The following KCNJ4 variants were observed in gnomAD, a reference collection of about 807,000 sequenced individuals.
KCNJ4 encodes the protein inward rectifier potassium channel 4.
Under a neutral mutation model 25.6 loss-of-function variants are expected in KCNJ4, and 3 were observed. The ratio of observed to expected loss-of-function variants is 0.12; its 90% confidence interval spans 0.05 to 0.30. KCNJ4 has a LOEUF of 0.30. KCNJ4 is among the 10% of genes least tolerant of loss of function. The probability of loss-of-function intolerance (pLI) is 1.00; values close to 1 mark genes in which losing one functional copy is unlikely to be tolerated. For missense variants in KCNJ4, 286 were observed against 666.8 expected (o/e 0.43, Z 6.29); for synonymous variants, 257 against 283.9 (o/e 0.91, Z 0.95).
intron 1 of KCNJ4, among the ~76,000 whole-genome samples, chr22:38,446,266 C>T (rs2145946189): frequency 6.6e-6 from 1 of 152,384 alleles, no homozygotes; most frequent in Admixed American, 6.5e-5. Flanking sequence ...GGAGCCGGGA[C>T]AGCTCTGGCA....
In KCNJ4 at chr22:38,429,408, A is replaced by C. The variant is rs984251097; in HGVS notation, c.-39-1237T>G. 7.9e-5 allele frequency among the ~76,000 whole-genome samples: 12 copies of C among 152,278 alleles called. No homozygotes were observed. The East Asian group carries it at 2.3e-3, about 29-fold the overall frequency. On this transcript the variant is annotated intron_variant, in intron 1 of 1. Coordinates refer to ENST00000303592, the MANE Select transcript of KCNJ4 (RefSeq NM_152868.3). The stretch of plus-strand genomic sequence containing the variant: ...TACAAACTTGCGTGGCACCAACATG[A>C]ATGAGTTGATGGCGGGGAGACAGGG...
At chr22:38,435,317 T>C (rs558322507) in intron 1 of KCNJ4, among the ~76,000 whole-genome samples, 17 of 152,218 alleles carry the variant, frequency 1.1e-4, no homozygotes, top group African/African-American at 4.1e-4. Context: ...CACAGGGCAG[T>C]GGAGGTCAGG....
chr22:38,439,498 CG>C (rs2089316567), intron 1 of KCNJ4, among the ~76,000 whole-genome samples: 1 of 151,778 alleles, frequency 6.6e-6, no homozygotes, highest in Admixed American at 6.6e-5. Flanking sequence ...ACATTCCGGC[CG>C]GGCATGGTGG....
intron 1 of KCNJ4, among the ~76,000 whole-genome samples, chr22:38,446,794 A>G (rs916777895): frequency 1.5e-4 from 23 of 151,992 alleles, no homozygotes; most frequent in African/African-American, 5.6e-4. Context: ...CATCTCTACT[A>G]AAAATACAAA....
At chr22:38,435,320 A>C (rs1334069597) in intron 1 of KCNJ4, among the ~76,000 whole-genome samples, 2 of 152,196 alleles carry the variant, frequency 1.3e-5, no homozygotes, top group Admixed American at 1.3e-4. Flanking sequence ...AGGGCAGTGG[A>C]GGTCAGGGGA....
intron 1 of KCNJ4, among the ~76,000 whole-genome samples, chr22:38,438,005 G>A (rs927273579): frequency 6.6e-6 from 1 of 152,018 alleles, no homozygotes; most frequent in Non-Finnish European, 1.5e-5. Context: ...TTGGGAGGTC[G>A]AGGTGGGTGG....
At chr22:38,431,134 G>GC (rs1257491847) in intron 1 of KCNJ4, among the ~76,000 whole-genome samples, 2 of 152,246 alleles carry the variant, frequency 1.3e-5, no homozygotes, top group African/African-American at 4.8e-5. Context: ...AAGGTGGGGG[G>GC]CCCTGCCCAA....
intron 1 of KCNJ4, among the ~76,000 whole-genome samples, chr22:38,444,385 G>A (rs78786676): frequency 0.01 from 1,590 of 152,314 alleles, 36 homozygotes; most frequent in African/African-American, 0.035. Flanking sequence ...ACTTCCCAGC[G>A]GAGGTGGCCT....
intron 1 of KCNJ4, among the ~76,000 whole-genome samples, chr22:38,429,732 T>C (rs1425534567): frequency 3.3e-5 from 5 of 152,154 alleles, no homozygotes; most frequent in Non-Finnish European, 7.4e-5. Context: ...CTCTCTGCCA[T>C]TGCGTCCCCA....
chr22:38,434,002 G>A (rs2093058067), intron 1 of KCNJ4, among the ~76,000 whole-genome samples: 1 of 152,176 alleles, frequency 6.6e-6, no homozygotes, highest in Non-Finnish European at 1.5e-5. Flanking sequence ...TACCTGGAAG[G>A]CTTCGAGGGC....
In KCNJ4 at chr22:38,427,100, TGCCG is replaced by T. The variant is rs1278058657; in HGVS notation, c.1029_1032del (p.Gly344ArgfsTer36). 6.2e-7 allele frequency: 1 copy of T among 1,612,774 alleles called. No individual in the cohort carries two copies. Among genetic ancestry groups the T allele is most frequent in the Non-Finnish European group, 8.5e-7 (1 of 1,179,968 alleles). ...AGCTCCCGGGCCGAGCAGCAGGGCG[TGCCG>T]GCCACCTCGTAGGTCTTGTGAAAAC... On this transcript the variant is annotated frameshift_variant, in exon 2 of 2. Transcript: ENST00000303592. LOFTEE classifies it high-confidence loss of function.
rs56135829 is a variant in KCNJ4 at position 38,426,954 on chromosome 22, C to G, written c.1179G>C (p.Ala393=). Residue 393 remains alanine (A), a synonymous_variant, in exon 2 of 2, where the codon GCG becomes GCC. Transcript: ENST00000303592. ...CCAGGCCTGCGGCCACCGCGGCCGCCGCAGCTGCCTCCTCCTCCATCTCCT... is the reference window on the plus strand; with the variant it reads ...CCAGGCCTGCGGCCACCGCGGCCGCGGCAGCTGCCTCCTCCTCCATCTCCT... ...EEEEMEEEAA[A]AAAVAAGLGL... 5.6e-4 allele frequency: 905 copies of G among 1,612,476 alleles called. 1 individual carries two copies. The highest frequency in any genetic ancestry group is 7.4e-4 in the Non-Finnish European group (871 of 1,179,802).
intron 1 of KCNJ4, among the ~76,000 whole-genome samples, chr22:38,439,001 G>A (rs196077): frequency 3.9e-5 from 6 of 152,132 alleles, no homozygotes; most frequent in Admixed American, 2.6e-4. Flanking sequence ...GTCCCAGCAC[G>A]TTGGGAGGCA....
intron 1 of KCNJ4, among the ~76,000 whole-genome samples, chr22:38,445,564 A>C (rs2145945630): frequency 6.6e-6 from 1 of 152,236 alleles, no homozygotes; most frequent in South Asian, 2.1e-4. Flanking sequence ...GCTCAATTGC[A>C]ACCTCCTGGG....
intron 1 of KCNJ4, among the ~76,000 whole-genome samples, chr22:38,434,585 C>T: frequency 6.6e-6 from 1 of 152,114 alleles, no homozygotes; most frequent in Non-Finnish European, 1.5e-5. Flanking sequence ...TTGGCTCACC[C>T]TGGTCCCCAG....
intron 1 of KCNJ4, among the ~76,000 whole-genome samples, chr22:38,447,630 G>A (rs1050554171): frequency 3.9e-5 from 6 of 152,110 alleles, no homozygotes; most frequent in African/African-American, 1.4e-4. Flanking sequence ...GGGGTTGGGG[G>A]AAGCTTCACT....
intron 1 of KCNJ4, among the ~76,000 whole-genome samples, chr22:38,441,791 G>A (rs1011263723): frequency 3.9e-5 from 6 of 152,212 alleles, no homozygotes; most frequent in East Asian, 1.9e-4. Context: ...AGACTCACAC[G>A]TGGGGAATGA....
rs2093037286 is a variant in KCNJ4, at chr22:38,427,769, G to A, written c.364C>T (p.Leu122=). ...TCCACCGAGAACAGGAAGGCACCCA[G>A]GAAGCCGTTCACGTGCATGATGCAG... ...KPCIMHVNGF[L]GAFLFSVETQ... The change falls in exon 2 of 2, where the codon CTG becomes TTG. Residue 122 remains leucine (L), a synonymous_variant. Coordinates refer to ENST00000303592, the MANE Select transcript of KCNJ4 (RefSeq NM_152868.3). The A allele has an allele frequency of 6.2e-7, 1 of 1,609,054 alleles. No homozygotes were observed. The highest frequency in any genetic ancestry group is 8.5e-7 in the Non-Finnish European group (1 of 1,178,532).
At chr22:38,434,459 G>A (rs2093059592) in intron 1 of KCNJ4, among the ~76,000 whole-genome samples, 1 of 152,196 alleles carries the variant, frequency 6.6e-6, no homozygotes, top group Non-Finnish European at 1.5e-5. Flanking sequence ...AACAAGAAGG[G>A]TTGTTATTTC....
Sources: allele counts gnomAD v4.1 joint callset (sites outside exome capture counted in the v4.1 genomes callset), GRCh38; gene constraint gnomAD v4.1.1; transcripts MANE v1.5; gene names NCBI Gene and HGNC (gene_info 2026-07-23, HGNC 2026-07-21).